The following BMAL1 variants were observed in gnomAD, a reference collection of about 807,000 sequenced individuals.
The protein encoded by BMAL1 is basic helix-loop-helix ARNT-like protein 1.
At chr11:13,301,763 G>A in the BMAL1 span, among the ~76,000 whole-genome samples, 1 of 152,198 alleles carries the variant, frequency 6.6e-6, no homozygotes, top group African/African-American at 2.4e-5. Flanking sequence ...CAGGTGCCAG[G>A]CATGGTTCTA....
At chr11:13,289,706 A>G in the BMAL1 span, among the ~76,000 whole-genome samples, 7 of 152,230 alleles carry the variant, frequency 4.6e-5, no homozygotes, top group African/African-American at 1.7e-4. Context: ...TGCAAAGAAC[A>G]TGAACTCATC....
the BMAL1 span, among the ~76,000 whole-genome samples, chr11:13,332,702 G>A: frequency 6.6e-6 from 1 of 152,152 alleles, no homozygotes; most frequent in Non-Finnish European, 1.5e-5. Flanking sequence ...ACATTTCACT[G>A]TGTTCTAGCA....
At chr11:13,285,853 T>G in the BMAL1 span, among the ~76,000 whole-genome samples, 1 of 152,228 alleles carries the variant, frequency 6.6e-6, no homozygotes, top group African/African-American at 2.4e-5. Flanking sequence ...AGGCTTTTAA[T>G]AAAACATTAT....
chr11:13,343,188 T>TA, the BMAL1 span, among the ~76,000 whole-genome samples: 1 of 152,188 alleles, frequency 6.6e-6, no homozygotes, highest in Non-Finnish European at 1.5e-5. Flanking sequence ...TAGGCACTCA[T>TA]ACATGATGGG....
chr11:13,281,039 C>G, the BMAL1 span, among the ~76,000 whole-genome samples: 15 of 152,158 alleles, frequency 9.9e-5, no homozygotes, highest in Non-Finnish European at 2.1e-4. Flanking sequence ...GTGCCTGCCT[C>G]GTGGAGTCTG....
chr11:13,383,947 C>G, the BMAL1 span, among the ~76,000 whole-genome samples: 1 of 152,162 alleles, frequency 6.6e-6, no homozygotes, highest in African/African-American at 2.4e-5. Context: ...CTTTTTAATG[C>G]TCTGTGACAA....
chr11:13,294,701 C>T, the BMAL1 span, among the ~76,000 whole-genome samples: 1 of 152,214 alleles, frequency 6.6e-6, no homozygotes, highest in Non-Finnish European at 1.5e-5. Flanking sequence ...ATTACAGCTA[C>T]TTAAGGAAAT....
the BMAL1 span, among the ~76,000 whole-genome samples, chr11:13,290,145 A>AT: frequency 1.3e-5 from 2 of 151,988 alleles, no homozygotes; most frequent in Admixed American, 6.6e-5. Flanking sequence ...GATGATGAGC[A>AT]TTTTTTTCAT....
the BMAL1 span, chr11:13,360,394 A>G: frequency 6.2e-7 from 1 of 1,613,962 alleles, no homozygotes; most frequent in Non-Finnish European, 8.5e-7. Flanking sequence ...CTTTTCTATC[A>G]GACGATGAAT....
the BMAL1 span, among the ~76,000 whole-genome samples, chr11:13,345,292 G>A: frequency 1.3e-5 from 2 of 152,184 alleles, no homozygotes; most frequent in Non-Finnish European, 2.9e-5. Context: ...ATTCAGCATA[G>A]TATTACTTAG....
the BMAL1 span, among the ~76,000 whole-genome samples, chr11:13,345,876 C>G: frequency 6.6e-6 from 1 of 152,138 alleles, no homozygotes; most frequent in Non-Finnish European, 1.5e-5. Flanking sequence ...TTCCTTCTTC[C>G]TGCCTGTGTC....
the BMAL1 span, among the ~76,000 whole-genome samples, chr11:13,284,361 T>C: frequency 1.3e-5 from 2 of 150,462 alleles, no homozygotes; most frequent in African/African-American, 2.5e-5. Context: ...AAATGTGTTA[T>C]ATAATGTTCA....
At chr11:13,343,858 T>G in the BMAL1 span, among the ~76,000 whole-genome samples, 2 of 152,138 alleles carry the variant, frequency 1.3e-5, no homozygotes, top group African/African-American at 4.8e-5. Context: ...TGGTTTTGAT[T>G]GACAAAGTGC....
At chr11:13,334,453 TG>T in the BMAL1 span, among the ~76,000 whole-genome samples, 1 of 152,130 alleles carries the variant, frequency 6.6e-6, no homozygotes, top group Middle Eastern at 3.5e-3. Flanking sequence ...GGGTTCATCC[TG>T]TAGCTCTGCC....
the BMAL1 span, among the ~76,000 whole-genome samples, chr11:13,344,530 G>A: frequency 2.6e-5 from 4 of 152,166 alleles, no homozygotes; most frequent in Non-Finnish European, 5.9e-5. Flanking sequence ...TTCTGTCTTC[G>A]TCCCCATTGT....
chr11:13,383,918 A>G, the BMAL1 span, among the ~76,000 whole-genome samples: 1 of 152,150 alleles, frequency 6.6e-6, no homozygotes. Context: ...TTACTTTTAT[A>G]AAATTCTCAA....
the BMAL1 span, among the ~76,000 whole-genome samples, chr11:13,318,393 G>C: frequency 1.2e-4 from 19 of 152,160 alleles, no homozygotes; most frequent in African/African-American, 3.6e-4. Flanking sequence ...TTTTTAAAAA[G>C]TGTTCAGCAA....
the BMAL1 span, chr11:13,365,647 A>T: frequency 6.9e-7 from 1 of 1,442,522 alleles, no homozygotes; most frequent in South Asian, 1.2e-5. Flanking sequence ...CAGAAGTGTC[A>T]CTCAATTTTG....
At chr11:13,350,540 T>C in the BMAL1 span, among the ~76,000 whole-genome samples, 1 of 152,164 alleles carries the variant, frequency 6.6e-6, no homozygotes. Context: ...AGTATAGTAC[T>C]GTGATGGAAA....
Sources: allele counts gnomAD v4.1 joint callset (sites outside exome capture counted in the v4.1 genomes callset), GRCh38; gene constraint gnomAD v4.1.1; transcripts MANE v1.5; gene names NCBI Gene and HGNC (gene_info 2026-07-23, HGNC 2026-07-21).